ROBO1: variants seen among roughly 807,000 people sequenced by gnomAD.
ROBO1 encodes roundabout guidance receptor 1.
ROBO1 carries 149 observed loss-of-function variants against 195.9 expected under a neutral mutation model. That is an observed-to-expected ratio of 0.76 (90% confidence interval 0.67 to 0.87). The LOEUF is 0.87. Among genes scored for constraint, ROBO1 ranks in the 40% least tolerant of loss-of-function variants. The pLI is 0.00. For synonymous variants in ROBO1, 816 were observed against 733.2 expected, an observed-to-expected ratio of 1.11 and a Z score of -1.82; for missense variants, 1,933 against 2,068.3, an observed-to-expected ratio of 0.93 and a Z score of 1.27.
chr3:78,643,176 A>C (rs1706072941), intron 21 of ROBO1, among the ~76,000 whole-genome samples: 1 of 152,176 alleles, frequency 6.6e-6, no homozygotes, highest in Non-Finnish European at 1.5e-5. Context: ...AGATAGTAAC[A>C]TTTTAAGGCT....
At chr3:79,210,466 A>G (rs1011696280) in intron 2 of ROBO1, among the ~76,000 whole-genome samples, 1 of 152,074 alleles carries the variant, frequency 6.6e-6, no homozygotes, top group South Asian at 2.1e-4. Flanking sequence ...CAAGCCATAT[A>G]TATGTTGTTT....
rs79922544 is a variant in ROBO1 at position 78,884,040 on chromosome 3, C to A, written c.499+54561G>T. 8.3e-3 allele frequency among the ~76,000 whole-genome samples: 1,257 copies of A among 152,148 alleles called. 17 individuals carry two copies. The highest frequency in any genetic ancestry group is 0.034 in the East Asian group (176 of 5,168). On this transcript the variant is annotated intron_variant, in intron 4 of 30. Coordinates refer to ENST00000464233, the MANE Select transcript of ROBO1 (RefSeq NM_002941.4). ...CTGCAAGTGAACAGTGGGGAGAATG[C>A]AGATAAAAGGAAAGGCAAAGGTGAG...
At chr3:79,720,888 G>A (rs2107292964) in intron 1 of ROBO1, among the ~76,000 whole-genome samples, 1 of 151,398 alleles carries the variant, frequency 6.6e-6, no homozygotes, top group East Asian at 2.0e-4. Context: ...CGCCTCCCAG[G>A]TTCACGCCAT....
At chr3:79,566,975 T>C (rs527491896) in intron 2 of ROBO1, among the ~76,000 whole-genome samples, 57 of 152,216 alleles carry the variant, frequency 3.7e-4, no homozygotes, top group African/African-American at 1.2e-3. Flanking sequence ...GCAGCACTAT[T>C]CACAGTAGCA....
At chr3:79,420,057 A>G (rs779211040) in intron 2 of ROBO1, among the ~76,000 whole-genome samples, 30 of 152,260 alleles carry the variant, frequency 2.0e-4, no homozygotes, top group Non-Finnish European at 2.2e-4. Flanking sequence ...AAATAGAAAT[A>G]ACTGTGATGC....
At chr3:78,946,525 C>A (rs1307735035) in intron 3 of ROBO1, among the ~76,000 whole-genome samples, 12 of 152,126 alleles carry the variant, frequency 7.9e-5, no homozygotes, top group Non-Finnish European at 1.6e-4. Context: ...GAAGGAAGCA[C>A]TAAATGTGGA....
chr3:79,491,566 C>CT (rs1215341464), intron 2 of ROBO1, among the ~76,000 whole-genome samples: 2 of 152,138 alleles, frequency 1.3e-5, no homozygotes, highest in Non-Finnish European at 2.9e-5. Context: ...TGCATAAAAT[C>CT]TTTGAGAGCA....
At chr3:79,363,634 CCA>C (rs1442835701) in intron 2 of ROBO1, among the ~76,000 whole-genome samples, 1 of 152,158 alleles carries the variant, frequency 6.6e-6, no homozygotes, top group Non-Finnish European at 1.5e-5. Flanking sequence ...TTCTAGGCTT[CCA>C]CACAGAAACA....
chr3:78,809,492 A>G (rs1355592848), intron 4 of ROBO1, among the ~76,000 whole-genome samples: 1 of 152,212 alleles, frequency 6.6e-6, no homozygotes, highest in Non-Finnish European at 1.5e-5. Flanking sequence ...ATTACTGGGT[A>G]TATACACAAA....
At chr3:78,704,966 G>T (rs1051927967) in intron 8 of ROBO1, among the ~76,000 whole-genome samples, 2 of 152,132 alleles carry the variant, frequency 1.3e-5, no homozygotes, top group African/African-American at 4.8e-5. Context: ...TGTGGATTAC[G>T]CCTGCTGATC....
chr3:79,542,958 T>C, intron 2 of ROBO1, among the ~76,000 whole-genome samples: 1 of 152,242 alleles, frequency 6.6e-6, no homozygotes, highest in East Asian at 1.9e-4. Context: ...ATATCACATT[T>C]TATTATAAAA....
intron 2 of ROBO1, among the ~76,000 whole-genome samples, chr3:79,166,152 G>A (rs995539404): frequency 6.6e-6 from 1 of 152,124 alleles, no homozygotes; most frequent in African/African-American, 2.4e-5. Flanking sequence ...ACTGAACCCT[G>A]ACTAATACAG....
At chr3:78,659,471 A>G (rs1318853138) in intron 17 of ROBO1, among the ~76,000 whole-genome samples, 1 of 152,210 alleles carries the variant, frequency 6.6e-6, no homozygotes, top group Non-Finnish European at 1.5e-5. Context: ...AGATTCACCA[A>G]GATATATGTG....
intron 2 of ROBO1, among the ~76,000 whole-genome samples, chr3:79,584,961 C>T (rs977871434): frequency 4.6e-5 from 7 of 151,704 alleles, no homozygotes; most frequent in African/African-American, 1.7e-4. Flanking sequence ...TAAAAAGTAA[C>T]ACTCAGAGAA....
intron 2 of ROBO1, among the ~76,000 whole-genome samples, chr3:79,271,102 G>C (rs1466666578): frequency 6.6e-6 from 1 of 151,820 alleles, no homozygotes; most frequent in African/African-American, 2.4e-5. Context: ...ATTTAATGGA[G>C]GTAGAAAAGT....
At chr3:79,146,364 G>C (rs1170261913) in intron 2 of ROBO1, among the ~76,000 whole-genome samples, 2 of 151,858 alleles carry the variant, frequency 1.3e-5, no homozygotes, top group African/African-American at 4.8e-5. Context: ...TAAAAATAGA[G>C]CCCATCAATT....
At chr3:79,289,865 C>A (rs1371107085) in intron 2 of ROBO1, among the ~76,000 whole-genome samples, 1 of 151,920 alleles carries the variant, frequency 6.6e-6, no homozygotes, top group East Asian at 1.9e-4. Context: ...GCCTATGTCA[C>A]ATAGGCTGAG....
intron 10 of ROBO1, among the ~76,000 whole-genome samples, chr3:78,675,532 G>C (rs1321276569): frequency 6.6e-6 from 1 of 152,196 alleles, no homozygotes; most frequent in Non-Finnish European, 1.5e-5. Flanking sequence ...ACTTGGCTCG[G>C]AGGGTCCTAC....
At chr3:79,250,666 G>T (rs1285349608) in intron 2 of ROBO1, among the ~76,000 whole-genome samples, 1 of 151,910 alleles carries the variant, frequency 6.6e-6, no homozygotes, top group East Asian at 1.9e-4. Flanking sequence ...TATAAAAAAT[G>T]ATAAAATAAC....
Sources: allele counts gnomAD v4.1 joint callset (sites outside exome capture counted in the v4.1 genomes callset), GRCh38; gene constraint gnomAD v4.1.1; transcripts MANE v1.5; gene names NCBI Gene and HGNC (gene_info 2026-07-23, HGNC 2026-07-21).